Variants in PHAF1 observed in about 807,000 individuals in gnomAD.
PHAF1 encodes phagophore assembly factor 1, also known as phagosome assembly factor 1.
In PHAF1, 23 loss-of-function variants were observed where a neutral mutation model predicts 63.1. The observed-to-expected ratio is 0.36, with a 90% CI of 0.26 to 0.52. The LOEUF (loss-of-function observed/expected upper bound fraction) is 0.52. Ranked by LOEUF, PHAF1 falls within the 20% of genes least tolerant of loss-of-function variation. PHAF1 has a pLI of 0.93. For synonymous variants in PHAF1, 167 were observed against 185.0 expected (o/e 0.90, Z 0.79); for missense variants, 427 against 517.2 (o/e 0.83, Z 1.69).
At chr16:67,123,954 G>A (rs1475508210) in intron 2 of PHAF1, among the ~76,000 whole-genome samples, 1 of 152,222 alleles carries the variant, frequency 6.6e-6, no homozygotes, top group Non-Finnish European at 1.5e-5. Flanking sequence ...GTGAAGGACA[G>A]CTAGGTTACT....
At chr16:67,129,606 T>C (rs986221887) in intron 3 of PHAF1, among the ~76,000 whole-genome samples, 1 of 152,214 alleles carries the variant, frequency 6.6e-6, no homozygotes, top group African/African-American at 2.4e-5. Flanking sequence ...AGGCTCAGAT[T>C]GGCAGGACAA....
At chr16:67,117,071 C>T (rs745610954) in intron 1 of PHAF1, among the ~76,000 whole-genome samples, 8 of 151,646 alleles carry the variant, frequency 5.3e-5, no homozygotes, top group Non-Finnish European at 1.0e-4. Flanking sequence ...GTCACTCTGT[C>T]GCCAAAGTTG....
intron 12 of PHAF1, 96 bp from the exon 13 acceptor site, chr16:67,145,280 A>G: frequency 7.2e-7 from 1 of 1,380,680 alleles, no homozygotes; most frequent in Non-Finnish European, 1.0e-6. Flanking sequence ...CTCCAACCCC[A>G]GTGCAAAGGG....
At chr16:67,110,416 G>C (rs1962464277) in intron 1 of PHAF1, among the ~76,000 whole-genome samples, 177 bp downstream of exon 1, 1 of 152,102 alleles carries the variant, frequency 6.6e-6, no homozygotes, top group Non-Finnish European at 1.5e-5. Context: ...CGATTTGCCT[G>C]TCAGTTGCTC....
At chr16:67,116,022 G>A (rs1962719268) in intron 1 of PHAF1, among the ~76,000 whole-genome samples, 1 of 152,162 alleles carries the variant, frequency 6.6e-6, no homozygotes, top group Non-Finnish European at 1.5e-5. Context: ...CATGTGCCAC[G>A]TGGATCAGAG....
chr16:67,140,178 T>A, intron 9 of PHAF1, 61 bp downstream of exon 9: 1 of 1,543,012 alleles, frequency 6.5e-7, no homozygotes, highest in Non-Finnish European at 8.8e-7. Flanking sequence ...TAATATTGAG[T>A]ATAAACTGTT....
intron 1 of PHAF1, among the ~76,000 whole-genome samples, chr16:67,116,775 G>A (rs868030777): frequency 5.5e-4 from 84 of 152,190 alleles, no homozygotes; most frequent in African/African-American, 2.0e-3. Context: ...TCTTGAGCCT[G>A]GGAGACAGAG....
intron 5 of PHAF1, 51 bp downstream of exon 5, chr16:67,132,576 A>G (rs1233987942): frequency 6.4e-7 from 1 of 1,559,522 alleles, no homozygotes; most frequent in Non-Finnish European, 8.8e-7. Context: ...GTTCATAGCA[A>G]TAAACCTGCC....
In PHAF1 at chr16:67,138,927, G is replaced by GT. The variant is rs978229215; in HGVS notation, c.662-1048dup. 3.1e-3 allele frequency among the ~76,000 whole-genome samples: 474 copies of GT among 151,316 alleles called. 4 individuals carry two copies. The highest frequency in any genetic ancestry group is 0.01 in the African/African-American group (423 of 41,244). ...GGTTACCATTGAGAGTACTTTTGTA[G>GT]TTTTTTTTTAAGACAGTGTCTCACT... On this transcript the variant is annotated intron_variant, in intron 8 of 15. Coordinates refer to ENST00000219139, the MANE Select transcript of PHAF1 (RefSeq NM_025187.5).
intron 1 of PHAF1, among the ~76,000 whole-genome samples, chr16:67,116,800 A>G (rs966760140): frequency 2.6e-5 from 4 of 152,134 alleles, no homozygotes. Context: ...CAGTGAGCCA[A>G]GATTGCACCA....
chr16:67,121,280 C>G (rs1003735051), intron 2 of PHAF1, among the ~76,000 whole-genome samples: 1 of 151,216 alleles, frequency 6.6e-6, no homozygotes, highest in African/African-American at 2.4e-5. Flanking sequence ...GGCTCCGCCT[C>G]CTGGGTTCAC....
intron 4 of PHAF1, 103 bp downstream of exon 4, chr16:67,131,432 T>TTA: frequency 1.1e-6 from 1 of 881,088 alleles, no homozygotes; most frequent in East Asian, 2.8e-5. Flanking sequence ...CAGATGTGAA[T>TTA]TATAGCCTGG....
chr16:67,125,976 C>A lies in PHAF1; in HGVS notation c.165C>A (p.Asp55Glu). 1 of 1,611,910 alleles carries A rather than the reference C, an allele frequency of 6.2e-7. No individual in the cohort carries two copies. The highest frequency in any genetic ancestry group is 8.5e-7 in the Non-Finnish European group (1 of 1,178,998). ...TTTTGTAGTCTCCTCTAAGCCATGA[C>A]CTCATTCTTAACCTGACTCAGGACG... ...LYSEQSPLSH[D>E]LILNLTQDGI... Residue 55 changes from aspartate (D) to glutamate (E), a missense_variant, in exon 3 of 16, where the codon GAC becomes GAA. Coordinates refer to ENST00000219139, the MANE Select transcript of PHAF1 (RefSeq NM_025187.5).
chr16:67,141,750 TG>T (rs1183703665), intron 10 of PHAF1, among the ~76,000 whole-genome samples: 1 of 152,136 alleles, frequency 6.6e-6, no homozygotes, highest in East Asian at 1.9e-4. Context: ...CGGGCACCCA[TG>T]TCTGGACAAG....
At chr16:67,137,133 C>T (rs1177325496) in intron 8 of PHAF1, among the ~76,000 whole-genome samples, 3 of 150,144 alleles carry the variant, frequency 2.0e-5, no homozygotes, top group Admixed American at 6.7e-5. Context: ...CCAGCCTGAG[C>T]GACAGAGCAA....
chr16:67,109,960 T>C lies in PHAF1; in HGVS notation c.-216T>C, dbSNP rs993879865. 3 of 523,242 alleles carry C rather than the reference T, an allele frequency of 5.7e-6. No individual in the cohort carries two copies. Among genetic ancestry groups the C allele is most frequent in the Non-Finnish European group, 1.0e-5 (3 of 298,280 alleles). 32.4% of individuals were successfully genotyped at this position (523,242 alleles called of 1,614,324 possible). On this transcript the variant is annotated 5_prime_UTR_variant, in exon 1 of 16. Transcript: ENST00000219139. ...TTTACTGCAGTCGCGCCCGCCGCCG[T>C]CGTTGCCCCCGCTGCCGCGGCTGCT... is the stretch of plus-strand genomic sequence containing the variant.
intron 4 of PHAF1, among the ~76,000 whole-genome samples, chr16:67,131,753 A>T (rs1264263673): frequency 6.6e-6 from 1 of 152,250 alleles, no homozygotes; most frequent in Non-Finnish European, 1.5e-5. Context: ...TTTTAGAGCT[A>T]TAATGTATTT....
chr16:67,146,200 C>CTTAT lies in PHAF1; in HGVS notation c.1110-78_1110-77insTTAT, dbSNP rs1457884288. 11 of 1,314,472 alleles carry CTTAT rather than the reference C, an allele frequency of 8.4e-6. No homozygotes were observed. In the East Asian group the frequency reaches 2.5e-4, roughly 30 times the overall value. The allele number at this position is 1,314,472 out of a possible 1,614,324, so 81.4% of individuals were successfully genotyped here. On this transcript the variant is annotated intron_variant, in intron 14 of 15. Coordinates refer to ENST00000219139, the MANE Select transcript of PHAF1 (RefSeq NM_025187.5). ...AGAGACTACTGGCCAGTATCCCATA[C>CTTAT]CCCAGAAAAGACTGGATCCCTTGCT... is the stretch of plus-strand genomic sequence containing the variant.
chr16:67,132,242 CTG>C lies in PHAF1; in HGVS notation c.276-202_276-201del, dbSNP rs138469686. ...GTCATAAAGCCCCAGAGGATCAACT[CTG>C]TATATCAGCCTCATGAGAACTGACC... On this transcript the variant is annotated intron_variant, in intron 4 of 15. Transcript: ENST00000219139. 811 of 542,270 alleles carry C rather than the reference CTG, an allele frequency of 1.5e-3. 3 individuals carry two copies. Among genetic ancestry groups the C allele is most frequent in the African/African-American group, 0.014 (725 of 52,544 alleles). The allele number at this position is 542,270 out of a possible 1,614,324, so 33.6% of individuals were successfully genotyped here. A position where few individuals can be genotyped will look rare whatever the true frequency, so the allele number is the denominator to read the frequency against.
Sources: gnomAD v4.1 joint callset for allele counts (sites outside exome capture counted in the v4.1 genomes callset) on GRCh38, gnomAD v4.1.1 for gene constraint, MANE v1.5 for transcripts, NCBI Gene and HGNC (gene_info 2026-07-23, HGNC 2026-07-21) for gene names.